OR4D1: variants seen among roughly 807,000 people sequenced by gnomAD.
OR4D1 encodes the protein olfactory receptor 4D1.
A neutral mutation model predicts 14.2 loss-of-function variants in OR4D1; 10 were observed. The ratio of observed to expected loss-of-function variants is 0.71; its 90% CI spans 0.44 to 1.20. The LOEUF (loss-of-function observed/expected upper bound fraction) is 1.20, where lower values mean the gene tolerates loss of function less well. Ranked by LOEUF, OR4D1 falls within the 50% of genes most tolerant of loss-of-function variation. The pLI, the probability that OR4D1 is intolerant of heterozygous loss-of-function variation, is 0.00. For missense variants in OR4D1, 345 were observed against 376.6 expected, an observed-to-expected ratio of 0.92 and a Z score of 0.70; for synonymous variants, 141 against 147.4, an observed-to-expected ratio of 0.96 and a Z score of 0.32.
Position 58,155,960 on chromosome 17 carries a change from G to T in OR4D1, c.807G>T (p.Lys269Asn). 3 of 1,613,564 alleles carry T rather than the reference G, an allele frequency of 1.9e-6. No individual in the cohort carries two copies. The highest frequency in any genetic ancestry group is 2.5e-6 in the Non-Finnish European group (3 of 1,179,556). Residue 269 changes from lysine to asparagine, a missense_variant, in exon 4 of 4, where the codon AAG (lysine) becomes AAT (asparagine). By Grantham distance (94) the Lys-to-Asn change is moderately conservative. Coordinates refer to ENST00000268912, the MANE Select transcript of OR4D1 (RefSeq NM_001386095.1). ...TWPFTPFLMD[K>N]AVSISYTVMT... The stretch of plus-strand genomic sequence containing the variant: ...CCTTCACCCCATTCCTCATGGACAA[G>T]GCTGTGTCCATCAGCTACACAGTCA...
Position 58,157,155 on chromosome 17 carries a change from GT to G in OR4D1, c.*1070del. 1 of 1,460,486 alleles carries G rather than the reference GT, an allele frequency of 6.8e-7. No individual in the cohort carries two copies. Among genetic ancestry groups the G allele is most frequent in the Non-Finnish European group, 9.1e-7 (1 of 1,101,594 alleles). 90.5% of individuals were successfully genotyped at this position (1,460,486 alleles called of 1,614,324 possible). ...CCTGCCCTACAGTGTGGATGCGCTC[GT>G]GTCGGACAAGAAGCCGCCCAAGGAG... is the stretch of plus-strand genomic sequence containing the variant. On this transcript the variant is annotated 3_prime_UTR_variant, in exon 4 of 4. Transcript: ENST00000268912.
rs1439038367 is a variant in OR4D1 at position 58,149,431 on chromosome 17, CTCACGGCAG to C, written c.-489_-481del. 6.6e-6 allele frequency: 1 copy of C among 152,340 alleles called. No homozygotes were observed. Among genetic ancestry groups the C allele is most frequent in the Non-Finnish European group, 1.5e-5 (1 of 68,130 alleles). 9.4% of individuals were successfully genotyped at this position (152,340 alleles called of 1,614,324 possible). On this transcript the variant is annotated 5_prime_UTR_variant, in exon 2 of 4. Coordinates refer to ENST00000268912, the MANE Select transcript of OR4D1 (RefSeq NM_001386095.1). ...GGCTACTCTCTCTTTCTTCCCAGCT[CTCACGGCAG>C]TCTGGCCCATCCCAGCACCCTGTCC...
At chr17:58,152,461 A>G (rs1018989208) in intron 2 of OR4D1, among the ~76,000 whole-genome samples, 1 of 152,258 alleles carries the variant, frequency 6.6e-6, no homozygotes, top group Non-Finnish European at 1.5e-5. Flanking sequence ...GTATATATTT[A>G]CAAAGTAGAG....
Position 58,157,985 on chromosome 17 carries a change from A to C in OR4D1, c.*1899A>C. 3.9e-6 allele frequency: 2 copies of C among 508,920 alleles called. No homozygotes were observed. The highest frequency in any genetic ancestry group is 3.8e-5 in the African/African-American group (2 of 52,704). 31.5% of individuals were successfully genotyped at this position (508,920 alleles called of 1,614,324 possible). A position where few individuals can be genotyped will look rare whatever the true frequency, so the allele number is the denominator to read the frequency against. ...AGTTTGTTCTTTAGGCGGAGGCACC[A>C]AGCCTTGTTTTCTTGGTGTAATCTT... On this transcript the variant is annotated 3_prime_UTR_variant, in exon 4 of 4. Coordinates refer to ENST00000268912, the MANE Select transcript of OR4D1 (RefSeq NM_001386095.1).
At position 58,159,069 on chromosome 17, in the gene OR4D1, T is replaced by A. The variant is rs912365779; in HGVS notation, c.*2983T>A. ...TATATTTTATTGAAGAGTTATTATA[T>A]CTTATTCTGAATTAAATTAAACATG... On this transcript the variant is annotated 3_prime_UTR_variant, in exon 4 of 4. Coordinates refer to ENST00000268912, the MANE Select transcript of OR4D1 (RefSeq NM_001386095.1). 1 of 152,178 alleles carries A rather than the reference T, an allele frequency of 6.6e-6. No homozygotes were observed. Among genetic ancestry groups the A allele is most frequent in the Non-Finnish European group, 1.5e-5 (1 of 68,034 alleles). 9.4% of individuals were successfully genotyped at this position (152,178 alleles called of 1,614,324 possible).
In OR4D1 at chr17:58,153,903, C is replaced by T. The variant is rs1286686610; in HGVS notation, c.-80C>T. Among the ~76,000 whole-genome samples the T allele has an allele frequency of 1.8e-4, 27 of 152,174 alleles. No homozygotes were observed. The highest frequency in any genetic ancestry group is 1.8e-3 in the Admixed American group (27 of 15,276). ...AGTGGCCATAATAGCTCACTGCAGCCTTGATCTCCTGGGCTCAAGCAATCC... is the reference window on the plus strand; with the variant it reads ...AGTGGCCATAATAGCTCACTGCAGCTTTGATCTCCTGGGCTCAAGCAATCC... On this transcript the variant is annotated 5_prime_UTR_variant, in exon 3 of 4. Transcript: ENST00000268912.
chr17:58,156,939 C>G lies in OR4D1; in HGVS notation c.*853C>G. Reference sequence around the variant, plus strand: ...AGAAAGTTATCTCGCCCTCCCTCCTCCCCCACAAAAAAAGTTTGAGTCGCC... The same window carrying G: ...AGAAAGTTATCTCGCCCTCCCTCCTGCCCCACAAAAAAAGTTTGAGTCGCC... On this transcript the variant is annotated 3_prime_UTR_variant, in exon 4 of 4. Transcript: ENST00000268912. 1 of 654,080 alleles carries G rather than the reference C, an allele frequency of 1.5e-6. No homozygotes were observed. The allele number at this position is 654,080 out of a possible 1,614,324, so 40.5% of individuals were successfully genotyped here.
At chr17:58,152,008 A>G (rs966787291) in intron 2 of OR4D1, among the ~76,000 whole-genome samples, 7 of 152,364 alleles carry the variant, frequency 4.6e-5, no homozygotes, top group Middle Eastern at 3.4e-3. Flanking sequence ...TAAATTCTCA[A>G]TAATGCTGAG....
At chr17:58,154,412 G>T (rs1967739935) in intron 3 of OR4D1, among the ~76,000 whole-genome samples, 1 of 152,118 alleles carries the variant, frequency 6.6e-6, no homozygotes, top group African/African-American at 2.4e-5. Flanking sequence ...GTTAAAACAT[G>T]AGAGTTCAAG....
rs1967804995 is a variant in OR4D1 at position 58,158,405 on chromosome 17, C to CT, written c.*2324dup. 6.6e-6 allele frequency: 1 copy of CT among 151,390 alleles called. No individual in the cohort carries two copies. The highest frequency in any genetic ancestry group is 1.5e-5 in the Non-Finnish European group (1 of 67,912). 9.4% of individuals were successfully genotyped at this position (151,390 alleles called of 1,614,324 possible). The stretch of plus-strand genomic sequence containing the variant: ...GCATTTTACTTGCATTAAAAGAAAC[C>CT]TTTTTATATACTACCATATTTGTTC... On this transcript the variant is annotated 3_prime_UTR_variant, in exon 4 of 4. Coordinates refer to ENST00000268912, the MANE Select transcript of OR4D1 (RefSeq NM_001386095.1).
At position 58,157,757 on chromosome 17, in the gene OR4D1, G is replaced by T; in HGVS notation, c.*1671G>T. On this transcript the variant is annotated 3_prime_UTR_variant, in exon 4 of 4. Coordinates refer to ENST00000268912, the MANE Select transcript of OR4D1 (RefSeq NM_001386095.1). ...ACCTGTGCTTCCCATCCCGCCCGTG[G>T]GACTCTATGCCACGCCAGTGGGATA... 1 of 1,612,508 alleles carries T rather than the reference G, an allele frequency of 6.2e-7. No individual in the cohort carries two copies. The highest frequency in any genetic ancestry group is 2.2e-5 in the East Asian group (1 of 44,878).
At chr17:58,153,987 A>G (rs1967734754) in intron 3 of OR4D1, among the ~76,000 whole-genome samples, 24 bp downstream of exon 3, 1 of 152,190 alleles carries the variant, frequency 6.6e-6, no homozygotes, top group Admixed American at 6.5e-5. Context: ...TGCCCAGGTA[A>G]CTTTTAAAAT....
rs763142282 is a variant in OR4D1, at chr17:58,155,794, T to A, written c.641T>A (p.Leu214His). ...GLLVIIWFLL[L>H]LISYTVILVM... The stretch of plus-strand genomic sequence containing the variant: ...CTAGTTATCATCTGGTTCCTCCTCC[T>A]TCTGATCTCTTATACTGTCATCCTG... Residue 214 changes from leucine (L) to histidine (H), a missense_variant, in exon 4 of 4, where the codon CTT (leucine) becomes CAT (histidine). Leu to His is a moderately conservative substitution (Grantham distance 99). Transcript: ENST00000268912. 6.2e-6 allele frequency: 10 copies of A among 1,614,106 alleles called. No homozygotes were observed. The South Asian group carries it at 8.8e-5, about 14-fold the overall frequency.
intron 2 of OR4D1, among the ~76,000 whole-genome samples, chr17:58,153,228 A>G (rs1967724068): frequency 6.6e-6 from 1 of 152,184 alleles, no homozygotes; most frequent in African/African-American, 2.4e-5. Context: ...AAGGGTGTGT[A>G]CTACCCTTGC....
chr17:58,156,207 C>A lies in OR4D1; in HGVS notation c.*121C>A. 1.4e-6 allele frequency: 1 copy of A among 704,346 alleles called. No homozygotes were observed. The highest frequency in any genetic ancestry group is 2.3e-6 in the Non-Finnish European group (1 of 431,752). The allele number at this position is 704,346 out of a possible 1,614,324, so 43.6% of individuals were successfully genotyped here. Reference sequence around the variant, plus strand: ...AGATTACACTTATATTTCTTGAGGACCTAGTGCTGTGTCAAGTACTGTGTT... The same window carrying A: ...AGATTACACTTATATTTCTTGAGGAACTAGTGCTGTGTCAAGTACTGTGTT... On this transcript the variant is annotated 3_prime_UTR_variant, in exon 4 of 4. Coordinates refer to ENST00000268912, the MANE Select transcript of OR4D1 (RefSeq NM_001386095.1).
chr17:58,155,400 G>C lies in OR4D1; in HGVS notation c.247G>C (p.Val83Leu). ...YSTVTSPKML[V>L]DFLHETKTIS... ...CACAGTCACCTCTCCAAAGATGCTG[G>C]TGGACTTCCTCCATGAGACCAAGAC... is the stretch of plus-strand genomic sequence containing the variant. The change falls in exon 4 of 4, where the codon GTG becomes CTG. Residue 83 changes from valine (V) to leucine (L), a missense_variant. Val to Leu is a conservative substitution (Grantham distance 32). Transcript: ENST00000268912. 1 of 1,614,166 alleles carries C rather than the reference G, an allele frequency of 6.2e-7. No homozygotes were observed. The highest frequency in any genetic ancestry group is 8.5e-7 in the Non-Finnish European group (1 of 1,180,030).
At chr17:58,154,741 G>T (rs1967742746) in intron 3 of OR4D1, among the ~76,000 whole-genome samples, 1 of 152,228 alleles carries the variant, frequency 6.6e-6, no homozygotes, top group South Asian at 2.1e-4. Context: ...CACATAGGTT[G>T]ATGGTGTTTG....
chr17:58,153,477 A>G (rs1967726240), intron 2 of OR4D1, among the ~76,000 whole-genome samples: 1 of 152,230 alleles, frequency 6.6e-6, no homozygotes, highest in Admixed American at 6.5e-5. Flanking sequence ...ATAATATGAC[A>G]ATATTTTGAG....
intron 1 of OR4D1, 102 bp downstream of exon 1, chr17:58,148,686 ACTTTTGTCTGTATTGG>A (rs1181732212): frequency 2.6e-5 from 4 of 152,172 alleles, no homozygotes. Flanking sequence ...TAACATTAAG[ACTTTTGTCTGTATTGG>A]CTTATGTGCT....
Sources: allele counts gnomAD v4.1 joint callset (sites outside exome capture counted in the v4.1 genomes callset), GRCh38; gene constraint gnomAD v4.1.1; transcripts MANE v1.5; gene names NCBI Gene and HGNC (gene_info 2026-07-23, HGNC 2026-07-21).